Variants in PTPRM observed in about 807,000 individuals in gnomAD.
The protein encoded by PTPRM is protein tyrosine phosphatase receptor type M.
In PTPRM, 47 loss-of-function variants were observed where a neutral mutation model predicts 186.7. That is an observed-to-expected ratio of 0.25 (90% confidence interval 0.20 to 0.32). The LOEUF is 0.32. PTPRM is among the 10% of genes least tolerant of loss of function. The probability of loss-of-function intolerance (pLI) is 1.00; values close to 1 mark genes in which losing one functional copy is unlikely to be tolerated. For synonymous variants in PTPRM, 668 were observed against 674.9 expected, an observed-to-expected ratio of 0.99 and a Z score of 0.16; for missense variants, 1,494 against 1,865.0, an observed-to-expected ratio of 0.80 and a Z score of 3.66.
At chr18:8,320,880 T>G (rs1201352331) in intron 22 of PTPRM, among the ~76,000 whole-genome samples, 1 of 152,226 alleles carries the variant, frequency 6.6e-6, no homozygotes, top group East Asian at 1.9e-4. Context: ...CTGTAGAGTT[T>G]CCAGTATGAA....
At chr18:7,689,489 T>C (rs1425479026) in intron 1 of PTPRM, among the ~76,000 whole-genome samples, 1 of 152,204 alleles carries the variant, frequency 6.6e-6, no homozygotes, top group Non-Finnish European at 1.5e-5. Flanking sequence ...TAGGAAATAC[T>C]CCACAAATGC....
chr18:8,031,554 G>A (rs537554830), intron 7 of PTPRM, among the ~76,000 whole-genome samples: 10 of 152,242 alleles, frequency 6.6e-5, no homozygotes, highest in Non-Finnish European at 1.0e-4. Flanking sequence ...TATCTTACTC[G>A]TGCACCTTAA....
At chr18:7,935,501 A>C (rs1049307324) in intron 5 of PTPRM, among the ~76,000 whole-genome samples, 19 of 152,066 alleles carry the variant, frequency 1.2e-4, no homozygotes, top group Admixed American at 2.6e-4. Context: ...TTAATTAATA[A>C]TTTTTCCTTT....
chr18:7,576,943 C>T (rs894004771), intron 1 of PTPRM, among the ~76,000 whole-genome samples: 1 of 152,208 alleles, frequency 6.6e-6, no homozygotes, highest in African/African-American at 2.4e-5. Context: ...TTAACATACT[C>T]ATAATGTGTA....
chr18:8,004,695 A>ACAATTACTTTTGCAC, intron 7 of PTPRM, among the ~76,000 whole-genome samples: 1 of 152,184 alleles, frequency 6.6e-6, no homozygotes, highest in Non-Finnish European at 1.5e-5. Flanking sequence ...GGCAAAAAAC[A>ACAATTACTTTTGCAC]CAATTACTTT....
At chr18:7,694,443 T>TTG (rs2039799335) in intron 1 of PTPRM, among the ~76,000 whole-genome samples, 1 of 147,094 alleles carries the variant, frequency 6.8e-6, no homozygotes, top group African/African-American at 2.7e-5. Flanking sequence ...TTTTTTTTTT[T>TTG]TTCGACAGAG....
At chr18:8,342,281 T>C (rs1439463218) in intron 22 of PTPRM, among the ~76,000 whole-genome samples, 1 of 152,238 alleles carries the variant, frequency 6.6e-6, no homozygotes, top group African/African-American at 2.4e-5. Flanking sequence ...TTTCTTTCTA[T>C]TGCTTTGTTG....
At chr18:8,315,268 A>G (rs763398063) in intron 21 of PTPRM, among the ~76,000 whole-genome samples, 12 of 152,216 alleles carry the variant, frequency 7.9e-5, no homozygotes, top group Non-Finnish European at 1.6e-4. Flanking sequence ...TTTGCATATT[A>G]ATGGGACAAA....
At chr18:7,613,056 G>T (rs1488398726) in intron 1 of PTPRM, among the ~76,000 whole-genome samples, 1 of 152,110 alleles carries the variant, frequency 6.6e-6, no homozygotes, top group African/African-American at 2.4e-5. Context: ...CTGTGATTCA[G>T]TTGCCACTGT....
chr18:8,297,496 G>A (rs1035567475), intron 20 of PTPRM, among the ~76,000 whole-genome samples: 1 of 152,174 alleles, frequency 6.6e-6, no homozygotes, highest in African/African-American at 2.4e-5. Flanking sequence ...TGTCCCAGAC[G>A]GTAGCCATGA....
chr18:8,031,522 A>C (rs75805883), intron 7 of PTPRM, among the ~76,000 whole-genome samples: 1 of 152,194 alleles, frequency 6.6e-6, no homozygotes, highest in Non-Finnish European at 1.5e-5. Flanking sequence ...CTAGTTCTGC[A>C]AAAAAACTCA....
At chr18:8,023,871 C>CGT (rs1481596854) in intron 7 of PTPRM, among the ~76,000 whole-genome samples, 1 of 73,860 alleles carries the variant, frequency 1.4e-5, no homozygotes. Flanking sequence ...CACACACACA[C>CGT]GCACACCCCT....
In PTPRM at chr18:7,955,107, G is replaced by C; in HGVS notation, c.839-14G>C. 6.3e-7 allele frequency: 1 copy of C among 1,580,000 alleles called. No homozygotes were observed. The highest frequency in any genetic ancestry group is 1.1e-5 in the South Asian group (1 of 87,970). ...CAAAGCATCTGAAAGACAGCTTTCT[G>C]GTTTGTCTTTCAGAACCACCCGTTC... On this transcript the variant is annotated splice_polypyrimidine_tract_variant and intron_variant, in intron 6 of 32. Transcript: ENST00000580170.
At chr18:8,217,627 G>A (rs56243082) in intron 14 of PTPRM, among the ~76,000 whole-genome samples, 2,379 of 152,148 alleles carry the variant, frequency 0.016, 65 homozygotes, top group African/African-American at 0.054. Context: ...AACTCCTTCC[G>A]CAGGCTGGCT....
chr18:7,943,319 T>C (rs565519732), intron 5 of PTPRM, among the ~76,000 whole-genome samples: 1 of 152,322 alleles, frequency 6.6e-6, no homozygotes, highest in South Asian at 2.1e-4. Context: ...TGGCCTCTGC[T>C]CATTTCATTC....
intron 14 of PTPRM, among the ~76,000 whole-genome samples, chr18:8,172,452 C>T (rs761641366): frequency 1.3e-5 from 2 of 152,002 alleles, no homozygotes; most frequent in Non-Finnish European, 2.9e-5. Context: ...CTGTGTTCCT[C>T]AATAGTCCAA....
chr18:8,144,198 T>A (rs572341889), intron 14 of PTPRM, among the ~76,000 whole-genome samples: 19 of 152,320 alleles, frequency 1.2e-4, no homozygotes, highest in African/African-American at 4.3e-4. Context: ...GGGGCCTGTG[T>A]TATATGTAGG....
At position 7,567,818 on chromosome 18, in the gene PTPRM, C is replaced by T. The variant is rs2143271452; in HGVS notation, c.-1C>T. On this transcript the variant is annotated 5_prime_UTR_variant, in exon 1 of 33. Transcript: ENST00000580170. The surrounding 1 kb of genome is among the most constrained non-coding windows in gnomAD (Gnocchi z 4.3). The stretch of plus-strand genomic sequence containing the variant: ...GAGCGGCCCGGCCCGCACTCAGCAC[C>T]ATGAGGGGACTTGGGACTTGCCTGG... The T allele has an allele frequency of 6.4e-7, 1 of 1,552,740 alleles. No homozygotes were observed. Among genetic ancestry groups the T allele is most frequent in the Non-Finnish European group, 8.7e-7 (1 of 1,154,002 alleles).
chr18:7,980,348 C>G (rs1375371105), intron 7 of PTPRM, among the ~76,000 whole-genome samples: 2 of 151,994 alleles, frequency 1.3e-5, no homozygotes, highest in Non-Finnish European at 1.5e-5. Flanking sequence ...TCTGCTGCCC[C>G]CTAGAGTTGC....
Sources: allele counts gnomAD v4.1 joint callset (sites outside exome capture counted in the v4.1 genomes callset), GRCh38; gene constraint gnomAD v4.1.1; non-coding constraint Gnocchi (gnomAD v3.1); transcripts MANE v1.5; gene names NCBI Gene and HGNC (gene_info 2026-07-23, HGNC 2026-07-21).